Variants in SLC14A2 observed in about 807,000 individuals in gnomAD.
The protein encoded by SLC14A2 is solute carrier family 14 member 2, also known as urea transporter 2.
SLC14A2 carries 91 observed loss-of-function variants against 104.6 expected under a neutral mutation model. The ratio of observed to expected loss-of-function variants is 0.87; its 90% CI spans 0.73 to 1.04. The LOEUF is 1.04. Ranked by LOEUF, SLC14A2 falls within the 50% of genes least tolerant of loss-of-function variation. The pLI is 0.00. For synonymous variants in SLC14A2, 476 were observed against 466.4 expected (o/e 1.02, Z -0.27); for missense variants, 1,189 against 1,156.0 (o/e 1.03, Z -0.41).
At chr18:45,545,272 A>G (rs1291677442) in intron 2 of SLC14A2, among the ~76,000 whole-genome samples, 1 of 152,226 alleles carries the variant, frequency 6.6e-6, no homozygotes, top group African/African-American at 2.4e-5. Flanking sequence ...TAAAAATGGT[A>G]ACAGCACATC....
intron 1 of SLC14A2, among the ~76,000 whole-genome samples, chr18:45,425,679 T>A (rs1240366072): frequency 6.6e-6 from 1 of 152,168 alleles, no homozygotes; most frequent in Admixed American, 6.6e-5. Context: ...GTATTTTAAA[T>A]ATCTTCTAGT....
At chr18:45,475,654 T>G (rs1460547593) in intron 1 of SLC14A2, among the ~76,000 whole-genome samples, 58 of 53,566 alleles carry the variant, frequency 1.1e-3, no homozygotes, top group South Asian at 1.0e-2. Flanking sequence ...TATATATATA[T>G]ATATATATAT....
chr18:45,401,658 G>A (rs2086097699), intron 1 of SLC14A2, among the ~76,000 whole-genome samples: 2 of 152,172 alleles, frequency 1.3e-5, no homozygotes, highest in Non-Finnish European at 2.9e-5. Context: ...TTCAAATATT[G>A]CACTATTTAC....
the SLC14A2 span, among the ~76,000 whole-genome samples, chr18:45,181,710 T>C: frequency 6.6e-5 from 10 of 152,196 alleles, no homozygotes; most frequent in African/African-American, 2.4e-4. Flanking sequence ...ATAAATGATG[T>C]CTTCTGAAAC....
chr18:45,247,998 A>T (rs926525056), intron 1 of SLC14A2, among the ~76,000 whole-genome samples: 1 of 152,296 alleles, frequency 6.6e-6, no homozygotes, highest in South Asian at 2.1e-4. Flanking sequence ...CCTTGTGCCT[A>T]AACTGGCTCT....
chr18:45,225,073 A>G (rs572488307), intron 1 of SLC14A2, among the ~76,000 whole-genome samples: 6 of 152,164 alleles, frequency 3.9e-5, no homozygotes, highest in Non-Finnish European at 8.8e-5. Flanking sequence ...GACCATGCCT[A>G]TGTCCTGAAT....
rs139597396 is a variant in SLC14A2 at position 45,669,438 on chromosome 18, G to A, written c.2169G>A (p.Thr723=). Residue 723 remains threonine (T), a synonymous_variant, in exon 16 of 20, where the codon ACG becomes ACA. Coordinates refer to ENST00000255226, the MANE Select transcript of SLC14A2 (RefSeq NM_007163.4). ...ACTACAACCTTTTCTTCCCCACAAC[G>A]CTGCTGCAGCCTGCATCCGCCATGC... The part of the protein sequence containing the change: ...TGHYNLFFPT[T]LLQPASAMPN... 1.3e-4 allele frequency: 215 copies of A among 1,613,960 alleles called. No homozygotes were observed. Among genetic ancestry groups the A allele is most frequent in the African/African-American group, 1.6e-4 (12 of 74,882 alleles).
chr18:45,378,907 G>T (rs2085804150), intron 1 of SLC14A2, among the ~76,000 whole-genome samples: 1 of 152,044 alleles, frequency 6.6e-6, no homozygotes, highest in Non-Finnish European at 1.5e-5. Context: ...CACCGCTCCT[G>T]GTCGCTCAAT....
intron 1 of SLC14A2, among the ~76,000 whole-genome samples, chr18:45,474,048 T>G (rs571170748): frequency 5.3e-5 from 8 of 152,320 alleles, no homozygotes; most frequent in African/African-American, 1.9e-4. Context: ...TTGAGATACA[T>G]TCCATCAATA....
chr18:45,580,971 AGTT>A (rs534040306), intron 2 of SLC14A2, among the ~76,000 whole-genome samples: 2 of 152,134 alleles, frequency 1.3e-5, no homozygotes, highest in Non-Finnish European at 2.9e-5. Flanking sequence ...CAGGAGGCAC[AGTT>A]GTTCTGCAGG....
At chr18:45,392,508 T>C (rs1318258133) in intron 1 of SLC14A2, among the ~76,000 whole-genome samples, 4 of 152,310 alleles carry the variant, frequency 2.6e-5, no homozygotes, top group Non-Finnish European at 4.4e-5. Flanking sequence ...TAATAGCATA[T>C]TTTTAAAAGA....
chr18:45,224,171 G>C (rs1268261937), intron 1 of SLC14A2, among the ~76,000 whole-genome samples: 1 of 152,206 alleles, frequency 6.6e-6, no homozygotes, highest in African/African-American at 2.4e-5. Flanking sequence ...AGAGGCTGCT[G>C]TGCAGTGTCC....
intron 1 of SLC14A2, among the ~76,000 whole-genome samples, chr18:45,620,032 C>T (rs1362253986): frequency 6.6e-6 from 1 of 152,240 alleles, no homozygotes; most frequent in Non-Finnish European, 1.5e-5. Flanking sequence ...GATGCGGAGA[C>T]TTGCTCTCCA....
At chr18:45,296,754 C>G (rs1232735455) in intron 1 of SLC14A2, among the ~76,000 whole-genome samples, 1 of 152,164 alleles carries the variant, frequency 6.6e-6, no homozygotes, top group African/African-American at 2.4e-5. Flanking sequence ...GAGCAGTAGT[C>G]TCGACTTCCC....
At chr18:45,542,042 T>TTTTG (rs1568268260) in intron 2 of SLC14A2, among the ~76,000 whole-genome samples, 18 of 105,766 alleles carry the variant, frequency 1.7e-4, no homozygotes, top group African/African-American at 4.6e-4. Flanking sequence ...AGGGTTTTTT[T>TTTTG]TTTTTTTTTT....
the SLC14A2 span, among the ~76,000 whole-genome samples, chr18:45,205,538 G>C: frequency 1.3e-5 from 2 of 152,180 alleles, no homozygotes; most frequent in South Asian, 2.1e-4. Context: ...GTAGGGAAAA[G>C]GTCATTGTTG....
At chr18:45,311,075 G>A (rs1008312828) in intron 1 of SLC14A2, among the ~76,000 whole-genome samples, 10 of 152,136 alleles carry the variant, frequency 6.6e-5, no homozygotes, top group African/African-American at 2.4e-4. Flanking sequence ...TTCTTGCTTC[G>A]GGCTTGGTAT....
intron 2 of SLC14A2, among the ~76,000 whole-genome samples, chr18:45,523,789 A>C (rs1052799419): frequency 2.6e-5 from 4 of 152,150 alleles, no homozygotes; most frequent in Admixed American, 1.3e-4. Flanking sequence ...CTTTAAGGGC[A>C]CTATTTCACT....
At chr18:45,251,197 G>C (rs2084419658) in intron 1 of SLC14A2, among the ~76,000 whole-genome samples, 1 of 151,968 alleles carries the variant, frequency 6.6e-6, no homozygotes, top group East Asian at 1.9e-4. Context: ...TTCCCTCTGA[G>C]TCCCCAAAGT....
Sources: allele counts gnomAD v4.1 joint callset (sites outside exome capture counted in the v4.1 genomes callset), GRCh38; gene constraint gnomAD v4.1.1; transcripts MANE v1.5; gene names NCBI Gene and HGNC (gene_info 2026-07-23, HGNC 2026-07-21).